The following RNF125 variants were observed in gnomAD, a reference collection of about 807,000 sequenced individuals.
RNF125 encodes the protein E3 ubiquitin-protein ligase RNF125.
In RNF125, 21 loss-of-function variants were observed where a neutral mutation model predicts 26.0. The observed-to-expected ratio is 0.81, with a 90% confidence interval of 0.57 to 1.16. The LOEUF (loss-of-function observed/expected upper bound fraction) is 1.16. Among genes scored for constraint, RNF125 ranks in the 50% most tolerant of loss-of-function variants. The probability of loss-of-function intolerance (pLI) is 0.00; values close to 1 mark genes in which losing one functional copy is unlikely to be tolerated. For missense variants in RNF125, 270 were observed against 299.4 expected (o/e 0.90, Z 0.72); for synonymous variants, 95 against 109.2 (o/e 0.87, Z 0.81).
intron 1 of RNF125, among the ~76,000 whole-genome samples, chr18:32,032,712 C>G (rs2039110211): frequency 6.6e-6 from 1 of 152,022 alleles, no homozygotes; most frequent in Non-Finnish European, 1.5e-5. Flanking sequence ...CAGTGGAGGG[C>G]CGGGCTTGGT....
At chr18:32,054,058 TATG>T (rs2039355573) in intron 4 of RNF125, among the ~76,000 whole-genome samples, 1 of 151,316 alleles carries the variant, frequency 6.6e-6, no homozygotes, top group Non-Finnish European at 1.5e-5. Context: ...TCAAAGCTCA[TATG>T]ATCATGCCTG....
chr18:32,043,337 T>G (rs145119164), intron 3 of RNF125, among the ~76,000 whole-genome samples: 35 of 152,344 alleles, frequency 2.3e-4, no homozygotes, highest in Non-Finnish European at 4.0e-4. Flanking sequence ...ATATTGGTAT[T>G]CTGTATAATT....
intron 4 of RNF125, among the ~76,000 whole-genome samples, chr18:32,047,259 C>G (rs893891184): frequency 6.6e-6 from 1 of 152,140 alleles, no homozygotes; most frequent in Non-Finnish European, 1.5e-5. Context: ...AGGATGGTCT[C>G]GATCTTCTGA....
At chr18:32,020,766 A>G (rs1336883537) in intron 1 of RNF125, among the ~76,000 whole-genome samples, 1 of 151,532 alleles carries the variant, frequency 6.6e-6, no homozygotes, top group African/African-American at 2.4e-5. Flanking sequence ...AAAATTAGCC[A>G]GGTGTGGTGA....
chr18:32,020,236 T>C (rs1598804842), intron 1 of RNF125, among the ~76,000 whole-genome samples: 1 of 152,062 alleles, frequency 6.6e-6, no homozygotes, highest in South Asian at 2.1e-4. Flanking sequence ...TGAGTAGAGA[T>C]GGGGTTTCAC....
chr18:32,038,216 T>G (rs1356925943), intron 2 of RNF125, among the ~76,000 whole-genome samples: 1 of 151,896 alleles, frequency 6.6e-6, no homozygotes. Flanking sequence ...GTCTGGCTAA[T>G]TTTTTGTCTT....
At chr18:32,041,686 A>T (rs2039219874) in intron 2 of RNF125, 1 of 110,290 alleles carries the variant, frequency 9.1e-6, no homozygotes, top group Non-Finnish European at 1.7e-5. Flanking sequence ...GCTGGAGTGC[A>T]GTGGCGGGAT....
At chr18:32,045,820 C>A (rs1472879493) in intron 4 of RNF125, 88 bp downstream of exon 4, 3 of 768,120 alleles carry the variant, frequency 3.9e-6, no homozygotes, top group Non-Finnish European at 6.6e-6. Flanking sequence ...TTTATAGATA[C>A]CTTATAAAGG....
chr18:32,057,491 C>T (rs1264180445), intron 4 of RNF125, among the ~76,000 whole-genome samples: 5 of 152,002 alleles, frequency 3.3e-5, no homozygotes, highest in Non-Finnish European at 5.9e-5. Flanking sequence ...CATGCCTCCA[C>T]ACCTGGCTAA....
At chr18:32,019,776 C>T (rs558709331) in intron 1 of RNF125, among the ~76,000 whole-genome samples, 2 of 152,296 alleles carry the variant, frequency 1.3e-5, no homozygotes, top group South Asian at 4.1e-4. Flanking sequence ...CAGGAGGTGG[C>T]AGGCTACCTG....
intron 1 of RNF125, among the ~76,000 whole-genome samples, chr18:32,022,918 T>C (rs2038998630): frequency 6.6e-6 from 1 of 152,176 alleles, no homozygotes; most frequent in Non-Finnish European, 1.5e-5. Flanking sequence ...ATATTTTCAG[T>C]TTCCTTTAGT....
intron 3 of RNF125, among the ~76,000 whole-genome samples, chr18:32,043,514 T>G (rs894429618): frequency 6.6e-6 from 1 of 152,234 alleles, no homozygotes; most frequent in African/African-American, 2.4e-5. Flanking sequence ...CTTTATACCC[T>G]GACTTTATAA....
downstream of RNF125, among the ~76,000 whole-genome samples, chr18:32,076,882 A>G (rs930714994): frequency 6.6e-6 from 1 of 152,096 alleles, no homozygotes; most frequent in Non-Finnish European, 1.5e-5. Flanking sequence ...CTCAAATGTC[A>G]TCTTCTCATA....
chr18:32,041,064 G>A (rs2039211678), intron 2 of RNF125, among the ~76,000 whole-genome samples: 1 of 152,174 alleles, frequency 6.6e-6, no homozygotes, highest in Non-Finnish European at 1.5e-5. Context: ...CGTAGCTTGG[G>A]CAAAATGAAG....
At chr18:32,076,622 G>A (rs761860595), downstream of RNF125, among the ~76,000 whole-genome samples, 3 of 152,120 alleles carry the variant, frequency 2.0e-5, no homozygotes, top group Non-Finnish European at 2.9e-5. Context: ...CCATTATTAT[G>A]AGAATAAATT....
chr18:32,032,170 G>T (rs1354193895), intron 1 of RNF125, among the ~76,000 whole-genome samples: 1 of 152,086 alleles, frequency 6.6e-6, no homozygotes, highest in African/African-American at 2.4e-5. Context: ...TCCGCCTCCC[G>T]GGTTCAAGTG....
chr18:32,031,991 C>T (rs1424612969), intron 1 of RNF125, among the ~76,000 whole-genome samples: 1 of 152,098 alleles, frequency 6.6e-6, no homozygotes, highest in Admixed American at 6.6e-5. Context: ...CCTCTGCCTC[C>T]TGGGTTCAAG....
chr18:32,034,887 C>T (rs994827902), intron 1 of RNF125, among the ~76,000 whole-genome samples: 3 of 116,434 alleles, frequency 2.6e-5, no homozygotes, highest in Non-Finnish European at 5.1e-5. Flanking sequence ...GGCAACAGAG[C>T]GAAACTCCAT....
chr18:32,019,000 A>G lies in RNF125; in HGVS notation c.137A>G (p.Gln46Arg). 2 of 1,613,450 alleles carry G rather than the reference A, an allele frequency of 1.2e-6. 1 individual carries two copies. The highest frequency in any genetic ancestry group is 1.7e-6 in the Non-Finnish European group (2 of 1,179,712). ...GCCGTGTGCCTTGAGGTGTTACACC[A>G]GCCTGTCCGGACCCGCTGTGGCCAC... ...DCAVCLEVLH[Q>R]PVRTRCGHVF... is the part of the protein sequence containing the mutation. The change falls in exon 1 of 6, where the codon CAG becomes CGG. Residue 46 changes from glutamine (Q) to arginine (R), a missense_variant. Physicochemically the swap from Gln to Arg is conservative, Grantham distance 43. Transcript: ENST00000217740.
Sources: allele counts gnomAD v4.1 joint callset (sites outside exome capture counted in the v4.1 genomes callset), GRCh38; gene constraint gnomAD v4.1.1; transcripts MANE v1.5; gene names NCBI Gene and HGNC (gene_info 2026-07-23, HGNC 2026-07-21).